Variants in ZSCAN20 observed in about 807,000 individuals in gnomAD.
ZSCAN20 encodes zinc finger and SCAN domain-containing protein 20.
A neutral mutation model predicts 97.1 loss-of-function variants in ZSCAN20; 39 were observed. The ratio of observed to expected loss-of-function variants is 0.40; its 90% CI spans 0.31 to 0.52. The LOEUF is 0.52. Ranked by LOEUF, ZSCAN20 falls within the 20% of genes least tolerant of loss-of-function variation. ZSCAN20 has a pLI of 0.49. For synonymous variants in ZSCAN20, 456 were observed against 467.3 expected (o/e 0.98, Z 0.31); for missense variants, 1,115 against 1,290.4 (o/e 0.86, Z 2.08).
intron 1 of ZSCAN20, among the ~76,000 whole-genome samples, chr1:33,475,686 G>A (rs1651896423): frequency 6.6e-6 from 1 of 151,840 alleles, no homozygotes; most frequent in Non-Finnish European, 1.5e-5. Flanking sequence ...CTGAGACAGA[G>A]TCGTGCTCTG....
At chr1:33,475,965 G>T (rs570587451) in intron 1 of ZSCAN20, among the ~76,000 whole-genome samples, 2 of 152,226 alleles carry the variant, frequency 1.3e-5, no homozygotes, top group South Asian at 4.2e-4. Flanking sequence ...ACCGCGCCCG[G>T]CCCTCTTTCT....
chr1:33,483,397 A>G (rs1289214842), intron 2 of ZSCAN20, among the ~76,000 whole-genome samples: 2 of 152,020 alleles, frequency 1.3e-5, no homozygotes, highest in Admixed American at 6.5e-5. Context: ...ATTCTGTTCC[A>G]TTGATCGCTT....
intron 1 of ZSCAN20, among the ~76,000 whole-genome samples, chr1:33,474,328 T>G (rs1651840744): frequency 6.6e-6 from 1 of 152,240 alleles, no homozygotes; most frequent in African/African-American, 2.4e-5. Flanking sequence ...GTCAGCCAAA[T>G]GGGCCTGACA....
intron 5 of ZSCAN20, among the ~76,000 whole-genome samples, chr1:33,490,738 C>A (rs1378790611): frequency 6.6e-6 from 1 of 151,756 alleles, no homozygotes; most frequent in Non-Finnish European, 1.5e-5. Flanking sequence ...CCAATTTAGG[C>A]CATGTGCCCA....
intron 7 of ZSCAN20, 148 bp from the exon 8 acceptor site, chr1:33,494,070 T>A (rs1652733753): frequency 8.3e-6 from 6 of 720,888 alleles, no homozygotes; most frequent in Non-Finnish European, 1.3e-5. Context: ...AATTTCTTGT[T>A]AGTCACATTT....
In ZSCAN20 at chr1:33,495,519, T is replaced by C; in HGVS notation, c.*43T>C. The C allele has an allele frequency of 1.4e-6, 2 of 1,442,130 alleles. No individual in the cohort carries two copies. The highest frequency in any genetic ancestry group is 1.8e-6 in the Non-Finnish European group (2 of 1,091,518). 89.3% of individuals were successfully genotyped at this position (1,442,130 alleles called of 1,614,324 possible). On this transcript the variant is annotated 3_prime_UTR_variant, in exon 8 of 8. Transcript: ENST00000684572. ...AACAAAGGAGGACTCAATGTATATA[T>C]CTTATATCATAAGATGTATGCTAGA...
intron 2 of ZSCAN20, among the ~76,000 whole-genome samples, chr1:33,488,204 C>T (rs560232774): frequency 1.3e-5 from 2 of 152,082 alleles, no homozygotes; most frequent in African/African-American, 2.4e-5. Flanking sequence ...TAATTTATCT[C>T]TTTATGAATC....
At chr1:33,490,191 A>G (rs1236970206) in intron 5 of ZSCAN20, among the ~76,000 whole-genome samples, 1 of 152,228 alleles carries the variant, frequency 6.6e-6, no homozygotes, top group Non-Finnish European at 1.5e-5. Context: ...TTTAGATACC[A>G]GAAGCTCGCT....
In ZSCAN20 at chr1:33,495,175, C is replaced by T. The variant is rs754671955; in HGVS notation, c.2831C>T (p.Ser944Phe). 3.7e-6 allele frequency: 6 copies of T among 1,613,936 alleles called. No individual in the cohort carries two copies. The highest frequency in any genetic ancestry group is 3.3e-5 in the South Asian group (3 of 91,068). The stretch of plus-strand genomic sequence containing the variant: ...TGTGGGAAGTGCTTCAGTGAGCGCT[C>T]CAAGCTCATCACACACCAGAGAGTG... ...VDCGKCFSER[S>F]KLITHQRVHT... Residue 944 changes from serine to phenylalanine, a missense_variant, in exon 8 of 8, where the codon TCC becomes TTC. This residue lies in a region of ZSCAN20 where 554 missense variants were observed against 584.9 expected (regional missense o/e 0.95). Coordinates refer to ENST00000684572, the MANE Select transcript of ZSCAN20 (RefSeq NM_001377376.1).
Position 33,479,378 on chromosome 1 carries a change from G to C in ZSCAN20, c.90G>C (p.Trp30Cys). Residue 30 changes from tryptophan (W) to cysteine (C), a missense_variant, in exon 2 of 8, where the codon TGG becomes TGC. Coordinates refer to ENST00000684572, the MANE Select transcript of ZSCAN20 (RefSeq NM_001377376.1). ...LLIVKLEEDSWGSESKLWEKD... is the reference protein window; with the variant it reads ...LLIVKLEEDSCGSESKLWEKD... ...TTGTGAAACTGGAAGAGGACTCTTG[G>C]GGATCAGAATCCAAACTCTGGGAGA... 1 of 1,614,242 alleles carries C rather than the reference G, an allele frequency of 6.2e-7. No homozygotes were observed. The highest frequency in any genetic ancestry group is 2.2e-5 in the East Asian group (1 of 44,890).
At chr1:33,474,816 G>A (rs1651859410) in intron 1 of ZSCAN20, among the ~76,000 whole-genome samples, 1 of 152,220 alleles carries the variant, frequency 6.6e-6, no homozygotes, top group Non-Finnish European at 1.5e-5. Flanking sequence ...ATAGTTGGCT[G>A]TAGTGCCCAC....
Position 33,494,960 on chromosome 1 carries a change from G to T in ZSCAN20, c.2616G>T (p.Glu872Asp). The T allele has an allele frequency of 6.2e-7, 1 of 1,614,184 alleles. No individual in the cohort carries two copies. The highest frequency in any genetic ancestry group is 8.5e-7 in the Non-Finnish European group (1 of 1,180,026). Residue 872 changes from glutamate to aspartate, a missense_variant, in exon 8 of 8, where the codon GAG (glutamate) becomes GAT (aspartate). Around this residue, in one of 3 missense-constraint regions of ZSCAN20, gnomAD observed 554 missense variants for 584.9 expected, o/e 0.95. Coordinates refer to ENST00000684572, the MANE Select transcript of ZSCAN20 (RefSeq NM_001377376.1). The part of the protein sequence containing the change: ...SPGPHSTNSG[E>D]KLYECSECGR... ...GACCACACAGCACAAACTCAGGGGAGAAACTTTATGAGTGTTCTGAATGTG... is the reference window on the plus strand; with the variant it reads ...GACCACACAGCACAAACTCAGGGGATAAACTTTATGAGTGTTCTGAATGTG...
rs1466705090 is a variant in ZSCAN20 at position 33,501,348 on chromosome 1, AT to A, written c.*5875del. 6.6e-6 allele frequency among the ~76,000 whole-genome samples: 1 copy of A among 152,206 alleles called. No homozygotes were observed. Among genetic ancestry groups the A allele is most frequent in the African/African-American group, 2.4e-5 (1 of 41,452 alleles). On this transcript the variant is annotated 3_prime_UTR_variant, in exon 8 of 8. Transcript: ENST00000684572. ...ACCAACTAATTTATGGAAATGAGAC[AT>A]TTGTAATTGATTTTAATTCCCTCTT...
rs775841408 is a variant in ZSCAN20, at chr1:33,495,011, C to A, written c.2667C>A (p.Ala889=). Residue 889 remains alanine, a synonymous_variant, in exon 8 of 8, where the codon GCC becomes GCA. Coordinates refer to ENST00000684572, the MANE Select transcript of ZSCAN20 (RefSeq NM_001377376.1). ...ECGRSFSKSS[A]LISHQRIHTG... ...GAAGAAGCTTCTCTAAGAGCTCTGC[C>A]CTCATTAGTCACCAAAGAATCCATA... The A allele has an allele frequency of 1.2e-6, 2 of 1,614,046 alleles. No homozygotes were observed. The highest frequency in any genetic ancestry group is 2.2e-5 in the South Asian group (2 of 91,074).
rs1351077688 is a variant in ZSCAN20 at position 33,498,807 on chromosome 1, A to G, written c.*3331A>G. On this transcript the variant is annotated 3_prime_UTR_variant, in exon 8 of 8. Coordinates refer to ENST00000684572, the MANE Select transcript of ZSCAN20 (RefSeq NM_001377376.1). ...CTTCACCCTCCACCTCAAGAAGGGC[A>G]TTGGCTCCTCTGAAGGGACAAAAAG... Among the ~76,000 whole-genome samples the G allele has an allele frequency of 1.3e-5, 2 of 152,300 alleles. No individual in the cohort carries two copies. The highest frequency in any genetic ancestry group is 3.9e-4 in the East Asian group (2 of 5,184).
At chr1:33,487,431 A>T (rs1038321015) in intron 2 of ZSCAN20, among the ~76,000 whole-genome samples, 5 of 152,048 alleles carry the variant, frequency 3.3e-5, no homozygotes, top group Non-Finnish European at 5.9e-5. Context: ...TGTGTGATTG[A>T]TGAAGTTGAT....
rs1469127782 is a variant in ZSCAN20 at position 33,498,416 on chromosome 1, G to T, written c.*2940G>T. Reference sequence around the variant, plus strand: ...TGGGCCAGGTGAGAAAATGGCCCAGGTGGTCCCTTCCTCCTTGTCTACCTG... The same window carrying T: ...TGGGCCAGGTGAGAAAATGGCCCAGTTGGTCCCTTCCTCCTTGTCTACCTG... On this transcript the variant is annotated 3_prime_UTR_variant, in exon 8 of 8. Coordinates refer to ENST00000684572, the MANE Select transcript of ZSCAN20 (RefSeq NM_001377376.1). 6.6e-6 allele frequency among the ~76,000 whole-genome samples: 1 copy of T among 152,232 alleles called. No individual in the cohort carries two copies. Among genetic ancestry groups the T allele is most frequent in the Non-Finnish European group, 1.5e-5 (1 of 68,044 alleles).
Position 33,500,410 on chromosome 1 carries a change from T to G in ZSCAN20, c.*4934T>G, listed in dbSNP as rs557686607. 1.5e-4 allele frequency among the ~76,000 whole-genome samples: 23 copies of G among 151,750 alleles called. No individual in the cohort carries two copies. The highest frequency in any genetic ancestry group is 5.1e-4 in the African/African-American group (21 of 41,330). On this transcript the variant is annotated 3_prime_UTR_variant, in exon 8 of 8. Coordinates refer to ENST00000684572, the MANE Select transcript of ZSCAN20 (RefSeq NM_001377376.1). ...AGAGTTTGAGAGGTCCCAGTTCTTTTCAGTGTGTGTTTGGTTCCCCCACTT... is the reference window on the plus strand; with the variant it reads ...AGAGTTTGAGAGGTCCCAGTTCTTTGCAGTGTGTGTTTGGTTCCCCCACTT...
chr1:33,479,807 T>G (rs1481378185), intron 2 of ZSCAN20, 102 bp downstream of exon 2: 20 of 1,273,944 alleles, frequency 1.6e-5, no homozygotes, highest in Non-Finnish European at 1.9e-5. Context: ...ATAACAATAG[T>G]TATTGAGAAC....
Sources: gnomAD v4.1 joint callset for allele counts (sites outside exome capture counted in the v4.1 genomes callset) on GRCh38, gnomAD v4.1.1 for gene constraint, gnomAD v4.1.1 regional missense constraint, MANE v1.5 for transcripts, NCBI Gene and HGNC (gene_info 2026-07-23, HGNC 2026-07-21) for gene names.